Variants in PTPRM observed in about 807,000 individuals in gnomAD.
PTPRM encodes receptor-type tyrosine-protein phosphatase mu.
In PTPRM, 47 loss-of-function variants were observed where a neutral mutation model predicts 186.7. The observed-to-expected ratio is 0.25, with a 90% CI of 0.20 to 0.32. PTPRM has a LOEUF of 0.32. PTPRM is among the 10% of genes least tolerant of loss of function. PTPRM has a pLI of 1.00. For missense variants in PTPRM, 1,494 were observed against 1,865.0 expected (o/e 0.80, Z 3.66); for synonymous variants, 668 against 674.9 (o/e 0.99, Z 0.16).
chr18:8,111,038 T>C (rs150677011), intron 11 of PTPRM, among the ~76,000 whole-genome samples: 13 of 152,310 alleles, frequency 8.5e-5, no homozygotes, highest in African/African-American at 3.1e-4. Flanking sequence ...TCAGACCACC[T>C]CTGCCACTTC....
intron 3 of PTPRM, among the ~76,000 whole-genome samples, chr18:7,889,303 C>T (rs1008856914): frequency 8.1e-5 from 12 of 148,002 alleles, no homozygotes; most frequent in African/African-American, 1.7e-4. Context: ...ATGCTATGTA[C>T]GGGGTTTGCA....
chr18:7,947,854 A>T (rs2052648104), intron 5 of PTPRM, among the ~76,000 whole-genome samples: 1 of 152,086 alleles, frequency 6.6e-6, no homozygotes. Flanking sequence ...GTTTCTGATT[A>T]TGTATTCACT....
intron 7 of PTPRM, among the ~76,000 whole-genome samples, chr18:7,980,848 A>G (rs1002262537): frequency 6.6e-6 from 1 of 151,996 alleles, no homozygotes; most frequent in Non-Finnish European, 1.5e-5. Flanking sequence ...CTGAGATTTC[A>G]TGTGTTGATC....
chr18:8,070,791 A>G (rs2089426422), intron 8 of PTPRM, among the ~76,000 whole-genome samples: 1 of 152,234 alleles, frequency 6.6e-6, no homozygotes, highest in Non-Finnish European at 1.5e-5. Context: ...TCCGGCATCA[A>G]AATGAATGAC....
chr18:7,728,617 G>C (rs1162541918), intron 1 of PTPRM, among the ~76,000 whole-genome samples: 2 of 152,346 alleles, frequency 1.3e-5, no homozygotes, highest in Non-Finnish European at 2.9e-5. Context: ...GCAAACTGGG[G>C]CAGATGTTCT....
chr18:7,618,103 T>A (rs986835204), intron 1 of PTPRM, among the ~76,000 whole-genome samples: 4 of 152,170 alleles, frequency 2.6e-5, no homozygotes, highest in Admixed American at 2.6e-4. Context: ...AACATTTTAT[T>A]TTCACATGCA....
intron 5 of PTPRM, among the ~76,000 whole-genome samples, chr18:7,947,977 G>A (rs1323647971): frequency 6.6e-6 from 1 of 152,170 alleles, no homozygotes; most frequent in Non-Finnish European, 1.5e-5. Context: ...TGGTTGGGAT[G>A]CCAAGAGTGG....
At chr18:8,274,024 T>A (rs2094804317) in intron 19 of PTPRM, among the ~76,000 whole-genome samples, 1 of 152,336 alleles carries the variant, frequency 6.6e-6, no homozygotes, top group East Asian at 1.9e-4. Context: ...CCATTGTCAC[T>A]GTACTCAAGA....
At position 7,962,075 on chromosome 18, in the gene PTPRM, G is replaced by T. The variant is rs190936890; in HGVS notation, c.1132+6661G>T. Among the ~76,000 whole-genome samples, 354 of 152,212 alleles carry T rather than the reference G, an allele frequency of 2.3e-3. 2 individuals carry two copies. The highest frequency in any genetic ancestry group is 7.8e-3 in the African/African-American group (325 of 41,552). On this transcript the variant is annotated intron_variant, in intron 7 of 32. Transcript: ENST00000580170. ...GGAGTCATTTCACCTTTCAATCTTT[G>T]TTCTGTGAAACGTTCAGTGTCTGCT...
chr18:8,365,233 C>A lies in PTPRM; in HGVS notation c.3055-5657C>A, dbSNP rs1292990351. Among the ~76,000 whole-genome samples the A allele has an allele frequency of 3.3e-5, 5 of 152,344 alleles. 1 individual carries two copies. The highest frequency in any genetic ancestry group is 3.3e-4 in the Admixed American group (5 of 15,306). On this transcript the variant is annotated intron_variant, in intron 23 of 32. Coordinates refer to ENST00000580170, the MANE Select transcript of PTPRM (RefSeq NM_001105244.2). ...AGCCTGCGTTTCAGCCTCTCCTTCA[C>A]CACCATCTAATTTATTGCCTTGAGC... is the stretch of plus-strand genomic sequence containing the variant.
intron 1 of PTPRM, among the ~76,000 whole-genome samples, chr18:7,655,645 G>A (rs1323490819): frequency 1.3e-5 from 2 of 152,176 alleles, no homozygotes; most frequent in Admixed American, 1.3e-4. Flanking sequence ...CAACCAAGAT[G>A]TCTTTTACCA....
intron 19 of PTPRM, among the ~76,000 whole-genome samples, chr18:8,270,759 A>G (rs948377995): frequency 6.6e-6 from 1 of 152,196 alleles, no homozygotes; most frequent in Non-Finnish European, 1.5e-5. Context: ...TCAGAGAAAG[A>G]TAAACACTGT....
rs190339071 is a variant in PTPRM, at chr18:8,145,475, G to A, written c.2300+1696G>A. 1.1e-4 allele frequency among the ~76,000 whole-genome samples: 16 copies of A among 152,028 alleles called. No individual in the cohort carries two copies. In the East Asian group the frequency reaches 1.7e-3, roughly 17 times the overall value. ...CTCCTAATGCTATCCCTCCCTTACC[G>A]CCCTACCCCCTGACAGGCCCCAGGG... On this transcript the variant is annotated intron_variant, in intron 14 of 32. Transcript: ENST00000580170.
intron 23 of PTPRM, among the ~76,000 whole-genome samples, chr18:8,345,132 C>T (rs541428046): frequency 1.4e-4 from 22 of 151,800 alleles, no homozygotes; most frequent in African/African-American, 4.4e-4. Context: ...TAACATGGTA[C>T]CAGAGAAGGA....
At chr18:8,087,032 A>C (rs2090468303) in intron 10 of PTPRM, among the ~76,000 whole-genome samples, 1 of 152,050 alleles carries the variant, frequency 6.6e-6, no homozygotes. Context: ...TAGAAGAAAG[A>C]CCACTGGACT....
At chr18:8,091,045 G>A (rs1363221741) in intron 11 of PTPRM, among the ~76,000 whole-genome samples, 1 of 152,034 alleles carries the variant, frequency 6.6e-6, no homozygotes, top group East Asian at 1.9e-4. Flanking sequence ...TTTTGTTGTT[G>A]CTTACTTTTA....
chr18:7,860,316 G>T (rs1192827065), intron 2 of PTPRM, among the ~76,000 whole-genome samples: 1 of 152,118 alleles, frequency 6.6e-6, no homozygotes, highest in African/African-American at 2.4e-5. Context: ...CAAGTGATCT[G>T]CTGGCCTTGG....
chr18:7,873,528 G>A (rs549132920), intron 2 of PTPRM, among the ~76,000 whole-genome samples: 3 of 152,268 alleles, frequency 2.0e-5, no homozygotes, highest in Non-Finnish European at 2.9e-5. Flanking sequence ...GACATAAAGT[G>A]CTTAGCAGAG....
At chr18:8,313,777 G>T (rs533743301) in intron 20 of PTPRM, among the ~76,000 whole-genome samples, 1 of 151,848 alleles carries the variant, frequency 6.6e-6, no homozygotes, top group African/African-American at 2.4e-5. Flanking sequence ...AAAGTCCACT[G>T]TATCATTCTT....
Sources: gnomAD v4.1 joint callset for allele counts (sites outside exome capture counted in the v4.1 genomes callset) on GRCh38, gnomAD v4.1.1 for gene constraint, MANE v1.5 for transcripts, NCBI Gene and HGNC (gene_info 2026-07-23, HGNC 2026-07-21) for gene names.